The following KTN1 variants were observed in gnomAD, a reference collection of about 807,000 sequenced individuals.
KTN1 encodes the protein kinectin 1, also known as kinectin.
A neutral mutation model predicts 222.5 loss-of-function variants in KTN1; 130 were observed. That is an observed-to-expected ratio of 0.58 (90% CI 0.51 to 0.68). The LOEUF is 0.68. KTN1 is among the 30% of genes least tolerant of loss of function. KTN1 has a pLI of 0.00. For missense variants in KTN1, 1,508 were observed against 1,500.4 expected (o/e 1.01, Z -0.08); for synonymous variants, 512 against 496.3 (o/e 1.03, Z -0.42).
At chr14:55,596,695 A>G (rs1303289678) in intron 1 of KTN1, among the ~76,000 whole-genome samples, 1 of 152,170 alleles carries the variant, frequency 6.6e-6, no homozygotes. Flanking sequence ...CACAAGGACT[A>G]CTTTTTCTTG....
intron 13 of KTN1, 130 bp downstream of exon 13, chr14:55,639,352 G>T: frequency 2.1e-6 from 1 of 473,180 alleles, no homozygotes. Flanking sequence ...TAGATTTGGA[G>T]CAACTTTTGC....
At chr14:55,642,115 T>C (rs2041865215) in intron 18 of KTN1, among the ~76,000 whole-genome samples, 2 of 152,180 alleles carry the variant, frequency 1.3e-5, no homozygotes, top group African/African-American at 4.8e-5. Context: ...TTGAAACTTA[T>C]TACTAGCACT....
Position 55,671,531 on chromosome 14 carries a change from A to C in KTN1, c.3349-35A>C, listed in dbSNP as rs17128666. ...CTTGAAGCATAAAACTTTCTGGTAG[A>C]ATTATGGAGTTTTTCTTTATTTCGT... On this transcript the variant is annotated intron_variant, in intron 35 of 43. Transcript: ENST00000395314. The C allele has an allele frequency of 5.2e-3, 7,769 of 1,497,648 alleles. 353 individuals carry two copies. The African/African-American group carries it at 0.095, about 18-fold the overall frequency. 92.8% of individuals were successfully genotyped at this position (1,497,648 alleles called of 1,614,324 possible). A position where few individuals can be genotyped will look rare whatever the true frequency, so the allele number is the denominator to read the frequency against.
chr14:55,586,432 C>CAT (rs2033020175), intron 1 of KTN1, among the ~76,000 whole-genome samples: 1 of 152,120 alleles, frequency 6.6e-6, no homozygotes, highest in South Asian at 2.1e-4. Flanking sequence ...CATATCATAT[C>CAT]ATATTTAATC....
In KTN1 at chr14:55,641,761, G is replaced by A; in HGVS notation, c.2172+1G>A. The A allele has an allele frequency of 6.4e-7, 1 of 1,553,970 alleles. No homozygotes were observed. Among genetic ancestry groups the A allele is most frequent in the African/African-American group, 1.4e-5 (1 of 73,602 alleles). The stretch of plus-strand genomic sequence containing the variant: ...GCTACAGACTCTTGTTTCTGAACAG[G>A]TAAGGCTTTTCCTAAATTACAAAGT... On this transcript the variant is annotated splice_donor_variant, in intron 18 of 43. Coordinates refer to ENST00000395314, the MANE Select transcript of KTN1 (RefSeq NM_001079521.2). LOFTEE classifies it high-confidence loss of function.
Position 55,637,248 on chromosome 14 carries a change from A to G in KTN1, c.1600A>G (p.Ser534Gly). 1.2e-6 allele frequency: 2 copies of G among 1,611,130 alleles called. No homozygotes were observed. The highest frequency in any genetic ancestry group is 1.7e-6 in the Non-Finnish European group (2 of 1,177,906). The change falls in exon 11 of 44, where the codon AGT becomes GGT. Residue 534 changes from serine (S) to glycine (G), a missense_variant. Coordinates refer to ENST00000395314, the MANE Select transcript of KTN1 (RefSeq NM_001079521.2). The stretch of plus-strand genomic sequence containing the variant: ...AGAAAATGAAGTACAGAGTCTGCAT[A>G]GTAAGCTTACAGATACCTTGGTATC... ...AKENEVQSLH[S>G]KLTDTLVSKQ... is the part of the protein sequence containing the mutation.
rs949845608 is a variant in KTN1 at position 55,612,621 on chromosome 14, T to C, written c.523+50T>C. The C allele has an allele frequency of 2.8e-6, 4 of 1,441,646 alleles. No homozygotes were observed. The South Asian group carries it at 5.7e-5, about 20-fold the overall frequency. The allele number at this position is 1,441,646 out of a possible 1,614,324, so 89.3% of individuals were successfully genotyped here. ...TAATTTTATTGTATGATTTGGAGCT[T>C]GGAATTGAGATATTCTGTTAGGTAC... On this transcript the variant is annotated intron_variant, in intron 2 of 43. Coordinates refer to ENST00000395314, the MANE Select transcript of KTN1 (RefSeq NM_001079521.2).
At chr14:55,683,281 T>C (rs1381015517) in intron 43 of KTN1, 1 of 152,184 alleles carries the variant, frequency 6.6e-6, no homozygotes, top group Non-Finnish European at 1.5e-5. Context: ...TCTAAACTTT[T>C]TATTTCAACA....
chr14:55,636,352 C>T, intron 9 of KTN1, 97 bp from the exon 10 acceptor site: 1 of 850,044 alleles, frequency 1.2e-6, no homozygotes, highest in Non-Finnish European at 1.9e-6. Context: ...TTTTATGATA[C>T]AACAGTAAAG....
intron 1 of KTN1, among the ~76,000 whole-genome samples, chr14:55,599,127 G>A (rs553116916): frequency 6.6e-6 from 1 of 152,160 alleles, no homozygotes; most frequent in South Asian, 2.1e-4. Flanking sequence ...GTATGTCTGT[G>A]TACATATGTA....
chr14:55,584,094 A>T (rs1408184614), intron 1 of KTN1, among the ~76,000 whole-genome samples: 1 of 152,132 alleles, frequency 6.6e-6, no homozygotes, highest in Non-Finnish European at 1.5e-5. Flanking sequence ...CAACAACTGG[A>T]TCATATTACT....
chr14:55,631,111 TC>T (rs140865322), intron 7 of KTN1, among the ~76,000 whole-genome samples: 11,436 of 151,972 alleles, frequency 0.075, 471 homozygotes, highest in South Asian at 0.11. Flanking sequence ...ATTTTTTTTT[TC>T]TTATTTTTGA....
At chr14:55,580,631 C>T (rs1452116643) in intron 1 of KTN1, among the ~76,000 whole-genome samples, 4 of 151,802 alleles carry the variant, frequency 2.6e-5, no homozygotes, top group African/African-American at 9.7e-5. Context: ...GTCGCGGCAC[C>T]CGGGGCGCGG....
chr14:55,601,544 G>A (rs1026766344), intron 1 of KTN1, among the ~76,000 whole-genome samples: 3 of 152,070 alleles, frequency 2.0e-5, no homozygotes, highest in African/African-American at 7.2e-5. Flanking sequence ...ATGAGTTTTT[G>A]CGTTTTGATG....
chr14:55,613,745 A>T (rs183719516), intron 2 of KTN1, among the ~76,000 whole-genome samples: 1 of 152,278 alleles, frequency 6.6e-6, no homozygotes, highest in Admixed American at 6.5e-5. Flanking sequence ...CTGAAATTAC[A>T]GGCGTGAGCC....
Position 55,651,943 on chromosome 14 carries a change from C to G in KTN1, c.2603+16C>G. The G allele has an allele frequency of 6.7e-7, 1 of 1,493,258 alleles. No individual in the cohort carries two copies. Among genetic ancestry groups the G allele is most frequent in the Non-Finnish European group, 9.2e-7 (1 of 1,082,642 alleles). 92.5% of individuals were successfully genotyped at this position (1,493,258 alleles called of 1,614,324 possible). On this transcript the variant is annotated intron_variant, in intron 25 of 43. Transcript: ENST00000395314. ...TTCAGAACTTGTAAGTACCATTTAT[C>G]TCATTTCCTTTTACTATTTCTTTTT...
intron 1 of KTN1, among the ~76,000 whole-genome samples, chr14:55,608,443 A>G (rs1231647921): frequency 1.3e-5 from 2 of 152,230 alleles, no homozygotes; most frequent in African/African-American, 4.8e-5. Context: ...ACTTGCATAC[A>G]TAAAATGTTT....
chr14:55,668,947 C>G lies in KTN1; in HGVS notation c.3267+1617C>G, dbSNP rs1450376656. On this transcript the variant is annotated intron_variant, in intron 34 of 43. Coordinates refer to ENST00000395314, the MANE Select transcript of KTN1 (RefSeq NM_001079521.2). ...ATCTGATCAGTTTAGGAGATCTCTA[C>G]CACTTTTGAGTTGAACTGATGAAAT... 2.6e-5 allele frequency: 4 copies of G among 151,972 alleles called. No homozygotes were observed. The East Asian group carries it at 7.7e-4, about 29-fold the overall frequency. 9.4% of individuals were successfully genotyped at this position (151,972 alleles called of 1,614,324 possible).
rs188424889 is a variant in KTN1 at position 55,672,909 on chromosome 14, T to G, written c.3604-20T>G. 6.3e-7 allele frequency: 1 copy of G among 1,598,194 alleles called. No individual in the cohort carries two copies. The highest frequency in any genetic ancestry group is 8.6e-7 in the Non-Finnish European group (1 of 1,166,454). On this transcript the variant is annotated intron_variant, in intron 38 of 43. Transcript: ENST00000395314. ...AAGGAAATTTTAAGTGTGTTAACTT[T>G]TCCTTTGTTGCATTGCTAGCTGAGA...
Sources: gnomAD v4.1 joint callset for allele counts (sites outside exome capture counted in the v4.1 genomes callset) on GRCh38, gnomAD v4.1.1 for gene constraint, MANE v1.5 for transcripts, NCBI Gene and HGNC (gene_info 2026-07-23, HGNC 2026-07-21) for gene names.